ZCCHC14: variants seen among roughly 807,000 people sequenced by gnomAD.
ZCCHC14 encodes the protein zinc finger CCHC domain-containing protein 14.
In ZCCHC14, 16 loss-of-function variants were observed where a neutral mutation model predicts 85.0. That is an observed-to-expected ratio of 0.19 (90% CI 0.13 to 0.29). ZCCHC14 has a LOEUF of 0.29. ZCCHC14 is among the 10% of genes least tolerant of loss of function. The probability of loss-of-function intolerance (pLI) is 1.00; values close to 1 mark genes in which losing one functional copy is unlikely to be tolerated. For missense variants in ZCCHC14, 1,303 were observed against 1,443.5 expected (o/e 0.90, Z 1.58); for synonymous variants, 775 against 630.7 (o/e 1.23, Z -3.43).
At chr16:87,430,327 G>A (rs548116240) in intron 3 of ZCCHC14, among the ~76,000 whole-genome samples, 20 of 152,144 alleles carry the variant, frequency 1.3e-4, no homozygotes, top group African/African-American at 4.6e-4. Context: ...CTTCATACCC[G>A]GCCTGTGCGT....
chr16:87,422,115 C>T (rs1232440550), intron 4 of ZCCHC14, among the ~76,000 whole-genome samples: 3 of 152,140 alleles, frequency 2.0e-5, no homozygotes, highest in African/African-American at 7.2e-5. Context: ...TTCATGAACA[C>T]GTTTCAGCAG....
chr16:87,429,849 C>T (rs1449470464), intron 3 of ZCCHC14, among the ~76,000 whole-genome samples: 1 of 152,202 alleles, frequency 6.6e-6, no homozygotes, highest in African/African-American at 2.4e-5. Context: ...TCAGGTGATC[C>T]GTCCGCCTTG....
chr16:87,430,405 G>A (rs1001026239), intron 3 of ZCCHC14, among the ~76,000 whole-genome samples: 2 of 152,152 alleles, frequency 1.3e-5, no homozygotes, highest in Admixed American at 6.5e-5. Flanking sequence ...ACCTCACAGC[G>A]TTGTGATCCT....
intron 1 of ZCCHC14, among the ~76,000 whole-genome samples, chr16:87,464,756 T>C (rs749286588): frequency 1.8e-4 from 27 of 152,252 alleles, no homozygotes; most frequent in Admixed American, 4.6e-4. Flanking sequence ...TTTGTTTACA[T>C]TGAAAGCTGT....
intron 1 of ZCCHC14, among the ~76,000 whole-genome samples, chr16:87,477,879 C>T (rs1912093902): frequency 6.7e-6 from 1 of 148,830 alleles, no homozygotes; most frequent in African/African-American, 2.5e-5. Context: ...CTGGGGAACA[C>T]CGACACGCCC....
chr16:87,456,068 C>T (rs1216005936), intron 2 of ZCCHC14, among the ~76,000 whole-genome samples: 3 of 152,148 alleles, frequency 2.0e-5, no homozygotes, highest in East Asian at 3.9e-4. Flanking sequence ...GTGAAGGGTA[C>T]TCACTGTGAA....
At chr16:87,411,355 G>A (rs1020916778) in intron 12 of ZCCHC14, 161 bp downstream of exon 12, 1 of 1,502,548 alleles carries the variant, frequency 6.7e-7, no homozygotes, top group Admixed American at 2.2e-5. Context: ...AGTCCTTCTG[G>A]GGACCTCACG....
At chr16:87,466,701 C>CA in intron 1 of ZCCHC14, among the ~76,000 whole-genome samples, 1 of 152,314 alleles carries the variant, frequency 6.6e-6, no homozygotes, top group East Asian at 1.9e-4. Flanking sequence ...ACTGTGCAAT[C>CA]AAAGTATCTG....
Position 87,408,522 on chromosome 16 carries a change from C to T in ZCCHC14, c.*1758G>A, listed in dbSNP as rs1908301079. On this transcript the variant is annotated 3_prime_UTR_variant, in exon 13 of 13. Transcript: ENST00000671377. ...TAGTGTTTACAATTTAAGAGATCAA[C>T]GTAACATTCCCCTAAATAGCTGTTG... 1.3e-5 allele frequency: 2 copies of T among 152,578 alleles called. No homozygotes were observed. The highest frequency in any genetic ancestry group is 6.5e-5 in the Admixed American group (1 of 15,282). The allele number at this position is 152,578 out of a possible 1,614,324, so 9.5% of individuals were successfully genotyped here.
chr16:87,478,976 A>T (rs1912146614), intron 1 of ZCCHC14, among the ~76,000 whole-genome samples: 1 of 152,222 alleles, frequency 6.6e-6, no homozygotes. Flanking sequence ...TAAAATGCCC[A>T]AAACAGAGTA....
intron 3 of ZCCHC14, among the ~76,000 whole-genome samples, chr16:87,426,203 C>T (rs1024162197): frequency 2.6e-5 from 4 of 152,120 alleles, no homozygotes; most frequent in Non-Finnish European, 5.9e-5. Context: ...CCTCACCTGC[C>T]GACTTGCCCC....
At position 87,445,049 on chromosome 16, in the gene ZCCHC14, G is replaced by A. The variant is rs144540104; in HGVS notation, c.695-11848C>T. On this transcript the variant is annotated intron_variant, in intron 2 of 12. Coordinates refer to ENST00000671377, the MANE Select transcript of ZCCHC14 (RefSeq NM_015144.3). Reference sequence around the variant, plus strand: ...AGTGACAACTTTTCTATAAATTTGTGATTTTGTTTTTCAAAATAAACTTTT... The same window carrying A: ...AGTGACAACTTTTCTATAAATTTGTAATTTTGTTTTTCAAAATAAACTTTT... Among the ~76,000 whole-genome samples, 372 of 148,578 alleles carry A rather than the reference G, an allele frequency of 2.5e-3. 2 individuals carry two copies. Among genetic ancestry groups the A allele is most frequent in the African/African-American group, 8.6e-3 (354 of 40,972 alleles).
intron 2 of ZCCHC14, among the ~76,000 whole-genome samples, chr16:87,444,868 C>T (rs140576229): frequency 4.1e-4 from 62 of 152,210 alleles, no homozygotes; most frequent in African/African-American, 1.4e-3. Context: ...TGGGAGTAAG[C>T]CTGAGAATTA....
chr16:87,482,234 T>C (rs1402926582), intron 1 of ZCCHC14, among the ~76,000 whole-genome samples: 1 of 152,202 alleles, frequency 6.6e-6, no homozygotes, highest in Non-Finnish European at 1.5e-5. Context: ...GGAGGTCTGG[T>C]TGAGCCTTTA....
chr16:87,467,364 G>GTTAC, intron 1 of ZCCHC14: 1 of 1,597,800 alleles, frequency 6.3e-7, no homozygotes, highest in Non-Finnish European at 8.6e-7. Context: ...CACCCCTGGG[G>GTTAC]TAATTAAGCA....
chr16:87,433,181 G>C lies in ZCCHC14; in HGVS notation c.715C>G (p.Leu239Val). Residue 239 changes from leucine (L) to valine (V), a missense_variant, in exon 3 of 13, where the codon CTG becomes GTG. Coordinates refer to ENST00000671377, the MANE Select transcript of ZCCHC14 (RefSeq NM_015144.3). ...HSKVSVEKID[L>V]KGLSHTKNDR... ...TTTTTTGTGTGTGATAATCCCTTCA[G>C]GTCTATCTTTTCAACACTCACTGTA... The C allele has an allele frequency of 6.2e-7, 1 of 1,614,012 alleles. No individual in the cohort carries two copies. The highest frequency in any genetic ancestry group is 8.5e-7 in the Non-Finnish European group (1 of 1,179,994).
chr16:87,478,396 G>A (rs377342059), intron 1 of ZCCHC14, among the ~76,000 whole-genome samples: 2 of 152,154 alleles, frequency 1.3e-5, no homozygotes, highest in East Asian at 3.9e-4. Flanking sequence ...CCTGGGAGTC[G>A]GGGTGCAGAG....
intron 1 of ZCCHC14, among the ~76,000 whole-genome samples, chr16:87,462,373 G>C (rs1393348225): frequency 6.6e-6 from 1 of 152,200 alleles, no homozygotes; most frequent in Non-Finnish European, 1.5e-5. Flanking sequence ...TCTTACACAA[G>C]GAGATTTTTA....
rs370387162 is a variant in ZCCHC14 at position 87,478,885 on chromosome 16, G to A, written c.570+12784C>T. On this transcript the variant is annotated intron_variant, in intron 1 of 12. Coordinates refer to ENST00000671377, the MANE Select transcript of ZCCHC14 (RefSeq NM_015144.3). ...CTCCCAAAGTGCTAGGATTACAGGCGTGAGCCACCGCACCCGGCCAATTTT... is the reference window on the plus strand; with the variant it reads ...CTCCCAAAGTGCTAGGATTACAGGCATGAGCCACCGCACCCGGCCAATTTT... Among the ~76,000 whole-genome samples the A allele has an allele frequency of 4.6e-5, 7 of 152,136 alleles. No individual in the cohort carries two copies. In the East Asian group the frequency reaches 9.7e-4, roughly 21 times the overall value.
Sources: allele counts gnomAD v4.1 joint callset (sites outside exome capture counted in the v4.1 genomes callset), GRCh38; gene constraint gnomAD v4.1.1; transcripts MANE v1.5; gene names NCBI Gene and HGNC (gene_info 2026-07-23, HGNC 2026-07-21).